SULT1E1: variants seen among roughly 807,000 people sequenced by gnomAD.
SULT1E1 encodes the protein sulfotransferase family 1E member 1.
SULT1E1 carries 36 observed loss-of-function variants against 33.6 expected under a neutral mutation model. That is an observed-to-expected ratio of 1.07 (90% CI 0.82 to 1.41). The LOEUF (loss-of-function observed/expected upper bound fraction) is 1.41. SULT1E1 is among the 40% of genes most tolerant of loss of function. SULT1E1 has a pLI of 0.00. For missense variants in SULT1E1, 371 were observed against 345.7 expected (o/e 1.07, Z -0.58); for synonymous variants, 121 against 111.7 (o/e 1.08, Z -0.53).
intron 4 of SULT1E1, 61 bp from the exon 5 acceptor site, chr4:69,849,624 A>AT (rs1350940946): frequency 6.2e-6 from 9 of 1,455,542 alleles, no homozygotes; most frequent in African/African-American, 1.4e-5. Context: ...TCTCATCAAG[A>AT]TTTTTTTAAA....
rs72851473 is a variant in SULT1E1, at chr4:69,856,209, C to T, written c.146-783G>A. 4.1e-3 allele frequency among the ~76,000 whole-genome samples: 620 copies of T among 152,188 alleles called. 4 individuals carry two copies. The highest frequency in any genetic ancestry group is 0.014 in the African/African-American group (582 of 41,514). On this transcript the variant is annotated intron_variant, in intron 2 of 7. Transcript: ENST00000226444. ...AAATAATTGGAAATAGACTATAAGA[C>T]GTAAATCAAAGGGTCTATCTGAAGA... is the stretch of plus-strand genomic sequence containing the variant.
chr4:69,846,164 A>T lies in SULT1E1; in HGVS notation c.591+1534T>A, dbSNP rs576218541. Among the ~76,000 whole-genome samples the T allele has an allele frequency of 1.2e-3, 185 of 150,132 alleles. 1 individual carries two copies. Among genetic ancestry groups the T allele is most frequent in the African/African-American group, 4.2e-3 (174 of 41,360 alleles). Reference sequence around the variant, plus strand: ...TAAAAATTATGAGATATATGTATATATCTCATTTAAAGAGGAAAACTATAT... The same window carrying T: ...TAAAAATTATGAGATATATGTATATTTCTCATTTAAAGAGGAAAACTATAT... On this transcript the variant is annotated intron_variant, in intron 6 of 7. Transcript: ENST00000226444.
intron 1 of SULT1E1, among the ~76,000 whole-genome samples, chr4:69,857,955 C>G (rs548055476): frequency 1.3e-5 from 2 of 152,054 alleles, no homozygotes; most frequent in African/African-American, 4.8e-5. Flanking sequence ...TAAATAAAAA[C>G]CACAGAACCT....
chr4:69,822,497 A>T, the SULT1E1 span, among the ~76,000 whole-genome samples: 1 of 152,160 alleles, frequency 6.6e-6, no homozygotes, highest in African/African-American at 2.4e-5. Context: ...AGTCCCAGCT[A>T]CTCGGGAGAC....
At chr4:69,825,787 A>C in the SULT1E1 span, among the ~76,000 whole-genome samples, 1 of 152,086 alleles carries the variant, frequency 6.6e-6, no homozygotes, top group African/African-American at 2.4e-5. Context: ...TCGCCCATCT[A>C]TCCTATCTAT....
chr4:69,849,632 A>T, intron 4 of SULT1E1, 69 bp from the exon 5 acceptor site: 2 of 1,404,980 alleles, frequency 1.4e-6, no homozygotes, highest in Admixed American at 2.4e-5. Context: ...AGATTTTTTT[A>T]AAAAGGATTT....
chr4:69,837,469 G>A (rs1196854790), downstream of SULT1E1, among the ~76,000 whole-genome samples: 1 of 151,986 alleles, frequency 6.6e-6, no homozygotes, highest in Admixed American at 6.6e-5. Flanking sequence ...CAAAGAAAGT[G>A]TTTGTTTGGG....
In SULT1E1 at chr4:69,847,732, C is replaced by T. The variant is rs143807523; in HGVS notation, c.557G>A (p.Arg186His). The T allele has an allele frequency of 5.1e-5, 82 of 1,609,074 alleles. No individual in the cohort carries two copies. The highest frequency in any genetic ancestry group is 3.3e-4 in the Middle Eastern group (2 of 6,070). Residue 186 changes from arginine (R) to histidine (H), a missense_variant, in exon 6 of 8, where the codon CGT (arginine) becomes CAT (histidine). Coordinates refer to ENST00000226444, the MANE Select transcript of SULT1E1 (RefSeq NM_005420.3). ...KSWWEKGKSPRVLFLFYEDLK... is the reference protein window; with the variant it reads ...KSWWEKGKSPHVLFLFYEDLK... ...GTCTTCGTAGAAAAGAAATAGTACA[C>T]GTGGACTCTTTCCCTTTTCCCACCA...
chr4:69,847,683 T>C lies in SULT1E1; in HGVS notation c.591+15A>G. On this transcript the variant is annotated intron_variant, in intron 6 of 7. Transcript: ENST00000226444. ...TAGAAATTACCAAGTTGCTTATGTG[T>C]TCCCAGTTCCTCACCTCTTTCAGGT... 6.5e-7 allele frequency: 1 copy of C among 1,548,892 alleles called. No homozygotes were observed. The highest frequency in any genetic ancestry group is 8.8e-7 in the Non-Finnish European group (1 of 1,133,244).
the SULT1E1 span, among the ~76,000 whole-genome samples, chr4:69,834,378 A>G: frequency 3.3e-5 from 5 of 152,326 alleles, no homozygotes; most frequent in African/African-American, 7.2e-5. Context: ...GTCAGGCAAT[A>G]TTATAAACTA....
At chr4:69,823,175 C>T in the SULT1E1 span, among the ~76,000 whole-genome samples, 1 of 152,154 alleles carries the variant, frequency 6.6e-6, no homozygotes, top group Non-Finnish European at 1.5e-5. Flanking sequence ...TATATACCTA[C>T]TCCTAAGTGG....
the SULT1E1 span, among the ~76,000 whole-genome samples, chr4:69,830,719 G>A: frequency 6.6e-6 from 1 of 151,180 alleles, no homozygotes; most frequent in African/African-American, 2.5e-5. Context: ...GCCTGTGTCA[G>A]TCTCTGGCAC....
intron 4 of SULT1E1, among the ~76,000 whole-genome samples, chr4:69,851,770 T>C (rs981436642): frequency 6.6e-6 from 1 of 152,166 alleles, no homozygotes; most frequent in African/African-American, 2.4e-5. Flanking sequence ...GTGGCACATA[T>C]ACAGCATAGA....
the SULT1E1 span, among the ~76,000 whole-genome samples, chr4:69,825,324 A>G: frequency 6.6e-6 from 1 of 152,182 alleles, no homozygotes; most frequent in African/African-American, 2.4e-5. Context: ...TGTAACACTC[A>G]CCGCGAGGGT....
downstream of SULT1E1, among the ~76,000 whole-genome samples, chr4:69,836,244 T>C (rs1208117515): frequency 6.6e-6 from 1 of 152,162 alleles, no homozygotes; most frequent in Non-Finnish European, 1.5e-5. Context: ...CAGTCCCATG[T>C]AAAAAAGAGA....
At chr4:69,834,927 C>T in the SULT1E1 span, among the ~76,000 whole-genome samples, 1 of 152,088 alleles carries the variant, frequency 6.6e-6, no homozygotes, top group Non-Finnish European at 1.5e-5. Context: ...TATCATGATA[C>T]TCCACTGAAT....
intron 4 of SULT1E1, among the ~76,000 whole-genome samples, chr4:69,853,707 C>T (rs966595475): frequency 6.6e-6 from 1 of 152,112 alleles, no homozygotes; most frequent in African/African-American, 2.4e-5. Context: ...ACTCTTATGT[C>T]CCTAACACAT....
intron 5 of SULT1E1, among the ~76,000 whole-genome samples, chr4:69,848,041 T>C (rs1016101184): frequency 2.0e-5 from 3 of 151,526 alleles, no homozygotes; most frequent in Admixed American, 6.6e-5. Flanking sequence ...CAGGGAAAGT[T>C]CTCTCATCAA....
chr4:69,822,586 C>T, the SULT1E1 span, among the ~76,000 whole-genome samples: 1 of 152,164 alleles, frequency 6.6e-6, no homozygotes, highest in South Asian at 2.1e-4. Context: ...AACCTGGACC[C>T]TGTCTGTAGA....
Sources: allele counts gnomAD v4.1 joint callset (sites outside exome capture counted in the v4.1 genomes callset), GRCh38; gene constraint gnomAD v4.1.1; transcripts MANE v1.5; gene names NCBI Gene and HGNC (gene_info 2026-07-23, HGNC 2026-07-21).